Variants in SEC14L3 observed in about 807,000 individuals in gnomAD.
SEC14L3 encodes SEC14-like protein 3.
SEC14L3 carries 56 observed loss-of-function variants against 57.4 expected under a neutral mutation model. The observed-to-expected ratio is 0.97, with a 90% CI of 0.79 to 1.22. The LOEUF is 1.22. SEC14L3 is among the 50% of genes most tolerant of loss of function. The pLI, the probability that SEC14L3 is intolerant of heterozygous loss-of-function variation, is 0.00. For missense variants in SEC14L3, 485 were observed against 511.7 expected, an observed-to-expected ratio of 0.95 and a Z score of 0.50; for synonymous variants, 173 against 194.4, an observed-to-expected ratio of 0.89 and a Z score of 0.92.
At chr22:30,459,109 AC>A (rs1314891093), downstream of SEC14L3, 1 of 237,438 alleles carries the variant, frequency 4.2e-6, no homozygotes, top group Non-Finnish European at 6.8e-6. Context: ...GAGTAGCTTC[AC>A]CCCTCTGAGC....
chr22:30,467,706 G>A (rs1042027338), intron 5 of SEC14L3, among the ~76,000 whole-genome samples: 2 of 152,200 alleles, frequency 1.3e-5, no homozygotes, highest in Non-Finnish European at 2.9e-5. Context: ...AAAGTTGTGG[G>A]AGGTAGGTGT....
chr22:30,469,914 C>T (rs540026444), intron 4 of SEC14L3, 105 bp downstream of exon 4: 9 of 809,984 alleles, frequency 1.1e-5, no homozygotes, highest in East Asian at 2.5e-5. Flanking sequence ...TGCAGGCCTG[C>T]GGGTTCCACA....
At chr22:30,458,285 G>A (rs1053039914), downstream of SEC14L3, among the ~76,000 whole-genome samples, 3 of 152,342 alleles carry the variant, frequency 2.0e-5, no homozygotes, top group East Asian at 1.9e-4. Flanking sequence ...CATGGTGAGC[G>A]TCAGGGGGTT....
Position 30,466,333 on chromosome 22 carries a change from C to A in SEC14L3, c.580+1G>T, listed in dbSNP as rs760794165. The A allele has an allele frequency of 2.5e-6, 4 of 1,613,630 alleles. No homozygotes were observed. In the East Asian group the frequency reaches 8.9e-5, roughly 36 times the overall value. ...AGTAAGTGAAGTCATTTGTCACATA[C>A]CTTTCACGATGAGCATGAACTTCAG... is the stretch of plus-strand genomic sequence containing the variant. On this transcript the variant is annotated splice_donor_variant, in intron 7 of 11. Coordinates refer to ENST00000215812, the MANE Select transcript of SEC14L3 (RefSeq NM_174975.5). LOFTEE classifies it high-confidence loss of function.
intron 8 of SEC14L3, among the ~76,000 whole-genome samples, chr22:30,462,870 G>T (rs1044018592): frequency 6.6e-6 from 1 of 151,896 alleles, no homozygotes; most frequent in Non-Finnish European, 1.5e-5. Flanking sequence ...TTGAGTATCT[G>T]GGATTACAGG....
At chr22:30,459,111 C>T (rs988898105), downstream of SEC14L3, 1 of 247,950 alleles carries the variant, frequency 4.0e-6, no homozygotes, top group Non-Finnish European at 6.4e-6. Context: ...GTAGCTTCAC[C>T]CCTCTGAGCC....
At chr22:30,455,152 T>C (rs1380427595), downstream of SEC14L3, among the ~76,000 whole-genome samples, 1 of 110,846 alleles carries the variant, frequency 9.0e-6, no homozygotes, top group African/African-American at 3.6e-5. Context: ...TAATATATAT[T>C]ATATTTAATA....
intron 5 of SEC14L3, 56 bp downstream of exon 5, chr22:30,468,451 TC>T (rs1472298465): frequency 1.6e-5 from 22 of 1,348,122 alleles, no homozygotes; most frequent in Non-Finnish European, 2.3e-5. Context: ...CTGAGACCAA[TC>T]CCCCCGGCAG....
intron 12 of SEC14L3, among the ~76,000 whole-genome samples, chr22:30,450,145 G>C (rs1323489800): frequency 6.6e-6 from 1 of 152,098 alleles, no homozygotes; most frequent in Non-Finnish European, 1.5e-5. Flanking sequence ...AAATGGGCAC[G>C]ATGTAGTTCA....
At chr22:30,461,755 T>C (rs1569228512) in intron 9 of SEC14L3, 61 bp from the exon 10 acceptor site, 8 of 1,559,452 alleles carry the variant, frequency 5.1e-6, no homozygotes, top group South Asian at 1.2e-5. Context: ...ATGTTTCTTC[T>C]GCCTGAGACA....
downstream of SEC14L3, among the ~76,000 whole-genome samples, chr22:30,454,535 TA>T: frequency 1.6e-4 from 3 of 19,202 alleles, no homozygotes; most frequent in African/African-American, 6.5e-4. Context: ...ATATAATCTA[TA>T]ATAATATTAT....
chr22:30,455,112 T>TAACATATATTATATTA (rs1935090421), downstream of SEC14L3, among the ~76,000 whole-genome samples: 1 of 59,220 alleles, frequency 1.7e-5, no homozygotes, highest in Non-Finnish European at 2.8e-5. Flanking sequence ...ATTTAATATT[T>TAACATATATTATATTA]AATATTTAAT....
rs527934804 is a variant in SEC14L3 at position 30,450,437 on chromosome 22, G to C, written c.905-1193C>G. On this transcript the variant is annotated intron_variant, in intron 12 of 12. Transcript: ENST00000403066. ...TCTGCCTCAGCCTCCCCAGTAGCTG[G>C]GATTACAAGTGCGTGCCACCTTGCC... 9.2e-5 allele frequency among the ~76,000 whole-genome samples: 14 copies of C among 152,118 alleles called. No individual in the cohort carries two copies. In the South Asian group the frequency reaches 2.9e-3, roughly 32 times the overall value.
exon 13 of SEC14L3, chr22:30,449,040 G>A (rs571753992): frequency 2.6e-6 from 4 of 1,527,600 alleles, no homozygotes; most frequent in South Asian, 2.4e-5. Context: ...GACCACGTAG[G>A]GGGTGAGTCC....
At chr22:30,467,171 G>A (rs1935444830) in intron 5 of SEC14L3, 94 bp from the exon 6 acceptor site, 4 of 1,566,002 alleles carry the variant, frequency 2.6e-6, no homozygotes, top group Admixed American at 3.6e-5. Context: ...GCTTCTTCTA[G>A]ACCCCGACTC....
At chr22:30,454,946 AT>A (rs1183700486), downstream of SEC14L3, among the ~76,000 whole-genome samples, 78 of 34,700 alleles carry the variant, frequency 2.2e-3, 2 homozygotes, top group Non-Finnish European at 3.0e-3. Context: ...ATAATATATT[AT>A]TATATATCAT....
chr22:30,452,717 C>CTTT (rs71198554), intron 12 of SEC14L3, among the ~76,000 whole-genome samples: 7 of 131,638 alleles, frequency 5.3e-5, no homozygotes, highest in Non-Finnish European at 8.2e-5. Context: ...TTCTTTCTTT[C>CTTT]TTTTTTTTTT....
At chr22:30,454,851 T>TTA (rs1935069269), downstream of SEC14L3, among the ~76,000 whole-genome samples, 1 of 56,602 alleles carries the variant, frequency 1.8e-5, no homozygotes, top group Non-Finnish European at 2.7e-5. Context: ...ATATAATATA[T>TTA]TATATTATTA....
chr22:30,459,961 T>C lies in SEC14L3; in HGVS notation c.*60A>G. ...CAATCAATTTCAGGGAGGGAGGGAG[T>C]GTAGGATATAAACAGAGAAATCAAA... On this transcript the variant is annotated 3_prime_UTR_variant, in exon 12 of 12. Coordinates refer to ENST00000215812, the MANE Select transcript of SEC14L3 (RefSeq NM_174975.5). 6.4e-7 allele frequency: 1 copy of C among 1,570,056 alleles called. No individual in the cohort carries two copies. Among genetic ancestry groups the C allele is most frequent in the South Asian group, 1.2e-5 (1 of 85,706 alleles).
Sources: gnomAD v4.1 joint callset for allele counts (sites outside exome capture counted in the v4.1 genomes callset) on GRCh38, gnomAD v4.1.1 for gene constraint, MANE v1.5 for transcripts, NCBI Gene and HGNC (gene_info 2026-07-23, HGNC 2026-07-21) for gene names.